Variants in AFDN observed in about 807,000 individuals in gnomAD.
The protein encoded by AFDN is afadin, adherens junction formation factor, also known as afadin.
AFDN carries 68 observed loss-of-function variants against 216.6 expected under a neutral mutation model. That is an observed-to-expected ratio of 0.31 (90% CI 0.26 to 0.38). The LOEUF (loss-of-function observed/expected upper bound fraction) is 0.38, where lower values mean the gene tolerates loss of function less well. AFDN is among the 10% of genes least tolerant of loss of function. The pLI, the probability that AFDN is intolerant of heterozygous loss-of-function variation, is 1.00. For synonymous variants in AFDN, 868 were observed against 853.7 expected (o/e 1.02, Z -0.29); for missense variants, 2,136 against 2,342.0 (o/e 0.91, Z 1.82).
chr6:167,969,887 A>G lies in AFDN; in HGVS notation c.5448A>G (p.Lys1816=). ...GTCAAGATGTATCCAATAAAGTGAA[A>G]GCTTCTCGTAAATTAACAGAACTGG... is the stretch of plus-strand genomic sequence containing the variant. The part of the protein sequence containing the change: ...SQGQDVSNKV[K]ASRKLTELEN... Residue 1816 remains lysine, a synonymous_variant, in exon 34 of 34, where the codon AAA becomes AAG. Transcript: ENST00000683244. The G allele has an allele frequency of 1.2e-6, 2 of 1,612,484 alleles. No homozygotes were observed. The highest frequency in any genetic ancestry group is 1.7e-6 in the Non-Finnish European group (2 of 1,179,522).
At chr6:167,844,926 C>T (rs1423783169) in intron 1 of AFDN, among the ~76,000 whole-genome samples, 1 of 144,326 alleles carries the variant, frequency 6.9e-6, no homozygotes, top group South Asian at 2.2e-4. Flanking sequence ...GTGGCGCGAT[C>T]ATAGCTCACT....
intron 26 of AFDN, 68 bp downstream of exon 26, chr6:167,944,127 A>G (rs926939769): frequency 2.5e-6 from 3 of 1,222,992 alleles, no homozygotes; most frequent in Non-Finnish European, 2.4e-6. Context: ...CAAAACCCCC[A>G]TGGAGGAGGT....
At chr6:167,965,411 G>A (rs138185704) in intron 31 of AFDN, among the ~76,000 whole-genome samples, 48 of 152,326 alleles carry the variant, frequency 3.2e-4, no homozygotes, top group Non-Finnish European at 5.9e-4. Flanking sequence ...GAAGAGGAGA[G>A]AGAGAAGGAA....
chr6:167,922,721 C>T (rs1562679782), intron 21 of AFDN, 135 bp from the exon 22 acceptor site: 1 of 552,366 alleles, frequency 1.8e-6, no homozygotes, highest in Non-Finnish European at 3.2e-6. Context: ...ATTCAGTTTG[C>T]AGAGGGGATT....
intron 4 of AFDN, among the ~76,000 whole-genome samples, chr6:167,873,606 G>T (rs1490646325): frequency 2.0e-5 from 3 of 152,162 alleles, no homozygotes; most frequent in Non-Finnish European, 4.4e-5. Context: ...ACTCTCATGT[G>T]TTCTGAACCC....
rs1263148966 is a variant in AFDN at position 167,962,461 on chromosome 6, A to G, written c.4862A>G (p.Gln1621Arg). ...RLQDEERRRQQQLEEMRKREA... is the reference protein window; with the variant it reads ...RLQDEERRRQRQLEEMRKREA... The stretch of plus-strand genomic sequence containing the variant: ...CAGGACGAGGAGCGGAGGCGGCAGC[A>G]GCAGTTAGAAGAGATGCGCAAGCGG... The change falls in exon 31 of 34, where the codon CAG (glutamine) becomes CGG (arginine). Residue 1621 changes from glutamine to arginine, a missense_variant. Transcript: ENST00000683244. This position sits in a 1 kb window ranked among gnomAD's most constrained non-coding sequence, Gnocchi z 5.2. 1.2e-6 allele frequency: 2 copies of G among 1,613,658 alleles called. No individual in the cohort carries two copies. The highest frequency in any genetic ancestry group is 4.5e-5 in the East Asian group (2 of 44,896).
At chr6:167,862,874 A>G (rs1410516228) in intron 1 of AFDN, among the ~76,000 whole-genome samples, 4 of 152,202 alleles carry the variant, frequency 2.6e-5, no homozygotes, top group African/African-American at 4.8e-5. Context: ...ACCCAAAACT[A>G]TGGCCCTCCT....
chr6:167,947,025 G>A, intron 27 of AFDN, 124 bp downstream of exon 27: 2 of 838,804 alleles, frequency 2.4e-6, no homozygotes, highest in Non-Finnish European at 3.6e-6. Context: ...ACTAGGATAT[G>A]GTTTTCATAA....
chr6:167,911,054 T>G (rs1332496561), intron 13 of AFDN, 47 bp from the exon 14 acceptor site: 3 of 1,509,100 alleles, frequency 2.0e-6, no homozygotes, highest in Non-Finnish European at 2.7e-6. Flanking sequence ...AGTAATATTG[T>G]TAGCCATGTG....
At chr6:167,911,015 AG>A (rs1583374313) in intron 13 of AFDN, 85 bp from the exon 14 acceptor site, 1 of 1,070,512 alleles carries the variant, frequency 9.3e-7, no homozygotes, top group East Asian at 2.4e-5. Context: ...AGATTTAAAA[AG>A]TAGTTGCAGA....
chr6:167,947,367 G>A (rs1351407134), intron 27 of AFDN, among the ~76,000 whole-genome samples: 1 of 152,040 alleles, frequency 6.6e-6, no homozygotes, highest in Non-Finnish European at 1.5e-5. Context: ...TTTTAGTAGA[G>A]ACGGGGTTTC....
At chr6:167,966,121 C>G in intron 32 of AFDN, 76 bp downstream of exon 32, 5 of 1,535,970 alleles carry the variant, frequency 3.3e-6, no homozygotes, top group Non-Finnish European at 4.4e-6. Context: ...CGGCCACCCC[C>G]CTGCCAGCCA....
chr6:167,888,217 A>G (rs1787112744), intron 6 of AFDN, among the ~76,000 whole-genome samples: 1 of 152,222 alleles, frequency 6.6e-6, no homozygotes, highest in Non-Finnish European at 1.5e-5. Context: ...TGGTTAATTT[A>G]TGATAAGGTG....
chr6:167,914,943 A>T (rs1790854278), intron 18 of AFDN, among the ~76,000 whole-genome samples: 3 of 152,216 alleles, frequency 2.0e-5, no homozygotes, highest in Admixed American at 2.0e-4. Context: ...CATACTCTTT[A>T]AAAAGTCTCT....
intron 19 of AFDN, 116 bp downstream of exon 19, chr6:167,915,549 C>T (rs1402524179): frequency 2.5e-5 from 31 of 1,236,072 alleles, no homozygotes; most frequent in Non-Finnish European, 3.2e-5. Flanking sequence ...TGGGGTTTTT[C>T]GTATGTACAA....
chr6:167,892,634 G>A (rs1230840299), intron 8 of AFDN, among the ~76,000 whole-genome samples: 2 of 152,244 alleles, frequency 1.3e-5, no homozygotes, highest in East Asian at 1.9e-4. Flanking sequence ...ATTCATTCAC[G>A]CATGCATTTG....
At chr6:167,846,988 CT>C (rs2128156952) in intron 1 of AFDN, among the ~76,000 whole-genome samples, 1 of 152,114 alleles carries the variant, frequency 6.6e-6, no homozygotes, top group South Asian at 2.1e-4. Flanking sequence ...TGAGGTATGT[CT>C]ATACTCTGTC....
In AFDN at chr6:167,861,682, T is replaced by G. The variant is rs377126549; in HGVS notation, c.106-2869T>G. Among the ~76,000 whole-genome samples, 196 of 152,328 alleles carry G rather than the reference T, an allele frequency of 1.3e-3. No homozygotes were observed. In the South Asian group the frequency reaches 0.037, roughly 29 times the overall value. On this transcript the variant is annotated intron_variant, in intron 1 of 33. Transcript: ENST00000683244. ...ATCAGCTCATTCTGGATTCTTTCCT[T>G]TGTGTTGCTGATGTTAATGGGCATT... is the stretch of plus-strand genomic sequence containing the variant.
intron 12 of AFDN, among the ~76,000 whole-genome samples, chr6:167,904,741 T>A (rs926414493): frequency 2.0e-5 from 3 of 152,200 alleles, no homozygotes; most frequent in African/African-American, 7.2e-5. Context: ...AGGGGTTCGT[T>A]CCTCTGCCTC....
Sources: gnomAD v4.1 joint callset for allele counts (sites outside exome capture counted in the v4.1 genomes callset) on GRCh38, gnomAD v4.1.1 for gene constraint, Gnocchi (gnomAD v3.1) non-coding constraint, MANE v1.5 for transcripts, NCBI Gene and HGNC (gene_info 2026-07-23, HGNC 2026-07-21) for gene names.